Variants in DCT observed in about 807,000 individuals in gnomAD.
DCT encodes dopachrome tautomerase, also known as L-dopachrome tautomerase.
A neutral mutation model predicts 53.0 loss-of-function variants in DCT; 47 were observed. The ratio of observed to expected loss-of-function variants is 0.89; its 90% CI spans 0.70 to 1.13. DCT has a LOEUF of 1.13. Among genes scored for constraint, DCT ranks in the 50% most tolerant of loss-of-function variants. The pLI is 0.00. For synonymous variants in DCT, 244 were observed against 237.0 expected, an observed-to-expected ratio of 1.03 and a Z score of -0.27; for missense variants, 669 against 637.4, an observed-to-expected ratio of 1.05 and a Z score of -0.53.
At chr13:94,475,348 T>A (rs1885000253) in intron 1 of DCT, among the ~76,000 whole-genome samples, 1 of 152,166 alleles carries the variant, frequency 6.6e-6, no homozygotes. Flanking sequence ...TTATTCAGCC[T>A]TTAAAAAGAA....
At chr13:94,491,452 C>G in the DCT span, among the ~76,000 whole-genome samples, 2 of 152,134 alleles carry the variant, frequency 1.3e-5, no homozygotes, top group Admixed American at 6.6e-5. Flanking sequence ...TAATTATTAC[C>G]TGCAATGACC....
chr13:94,544,363 G>A, the DCT span, among the ~76,000 whole-genome samples: 1 of 152,146 alleles, frequency 6.6e-6, no homozygotes, highest in Non-Finnish European at 1.5e-5. Context: ...AGTGAAATAC[G>A]TGGGGAAAGC....
chr13:94,465,765 T>C lies in DCT; in HGVS notation c.731A>G (p.Tyr244Cys), dbSNP rs199868596. 3.7e-6 allele frequency: 6 copies of C among 1,612,084 alleles called. No individual in the cohort carries two copies. Among genetic ancestry groups the C allele is most frequent in the South Asian group, 2.2e-5 (2 of 90,906 alleles). The change falls in exon 4 of 8, where the codon TAC becomes TGC. Residue 244 changes from tyrosine to cysteine, a missense_variant. Transcript: ENST00000377028. ...LIGNESFALP[Y>C]WNFATGRNEC... is the part of the protein sequence containing the mutation. Reference sequence around the variant, plus strand: ...GTTCCTCCCAGTGGCAAAGTTCCAGTAGGGCAAAGCAAAAGACTCATTGCC... The same window carrying C: ...GTTCCTCCCAGTGGCAAAGTTCCAGCAGGGCAAAGCAAAAGACTCATTGCC...
In DCT at chr13:94,437,845, A is replaced by T. The variant is rs1881997895; in HGVS notation, c.*2053T>A. On this transcript the variant is annotated 3_prime_UTR_variant, in exon 8 of 8. Coordinates refer to ENST00000377028, the MANE Select transcript of DCT (RefSeq NM_001922.5). Reference sequence around the variant, plus strand: ...GAAATTCTCTCAGGAAGACATTATAAAACATAATAGTTATAAAAAGTCACC... The same window carrying T: ...GAAATTCTCTCAGGAAGACATTATATAACATAATAGTTATAAAAAGTCACC... The T allele has an allele frequency of 6.6e-6, 1 of 152,216 alleles. No individual in the cohort carries two copies. The highest frequency in any genetic ancestry group is 1.5e-5 in the Non-Finnish European group (1 of 68,022). The allele number at this position is 152,216 out of a possible 1,614,324, so 9.4% of individuals were successfully genotyped here.
At chr13:94,511,079 A>G in the DCT span, among the ~76,000 whole-genome samples, 1 of 152,220 alleles carries the variant, frequency 6.6e-6, no homozygotes. Context: ...TTCAAAATGC[A>G]AATCTCCTCT....
intron 3 of DCT, among the ~76,000 whole-genome samples, 184 bp from the exon 4 acceptor site, chr13:94,465,983 T>C (rs1884180632): frequency 2.8e-4 from 4 of 14,340 alleles, no homozygotes; most frequent in South Asian, 2.3e-3. Flanking sequence ...TATATATATA[T>C]ATATATATAT....
intron 4 of DCT, among the ~76,000 whole-genome samples, chr13:94,463,168 A>C (rs1457043669): frequency 6.6e-6 from 1 of 151,760 alleles, no homozygotes; most frequent in Non-Finnish European, 1.5e-5. Flanking sequence ...ATAGGGTCTC[A>C]CTCTGTTGTA....
rs1457932230 is a variant in DCT at position 94,472,517 on chromosome 13, CATACATATATATATATATATATATAT to C, written c.296-3498_296-3473del. ...ATACAGTGAGTTAAATATATACATA[CATACATATATATATATATATATATAT>C]ATATATATATATATATATATATATA... On this transcript the variant is annotated intron_variant, in intron 1 of 7. Transcript: ENST00000377028. 6.5e-4 allele frequency among the ~76,000 whole-genome samples: 31 copies of C among 47,800 alleles called. 1 individual carries two copies. The highest frequency in any genetic ancestry group is 1.3e-3 in the African/African-American group (16 of 11,912). 31.4% of individuals were successfully genotyped at this position (47,800 alleles called of 152,430 possible). A position where few individuals can be genotyped will look rare whatever the true frequency, so the allele number is the denominator to read the frequency against.
At chr13:94,528,704 G>A in the DCT span, among the ~76,000 whole-genome samples, 1 of 152,142 alleles carries the variant, frequency 6.6e-6, no homozygotes, top group Admixed American at 6.5e-5. Context: ...ATGGTAAAGA[G>A]CATCGACACT....
the DCT span, among the ~76,000 whole-genome samples, chr13:94,514,699 G>A: frequency 6.7e-4 from 102 of 152,306 alleles, 2 homozygotes; most frequent in East Asian, 0.017. Flanking sequence ...CCTCAATATG[G>A]CTGCAGGGCA....
At chr13:94,501,445 T>TGTC in the DCT span, among the ~76,000 whole-genome samples, 1 of 152,086 alleles carries the variant, frequency 6.6e-6, no homozygotes, top group African/African-American at 2.4e-5. Context: ...AAAAGTAAGT[T>TGTC]GTCCTTTCTA....
chr13:94,466,828 T>C, intron 2 of DCT, 170 bp from the exon 3 acceptor site: 1 of 401,252 alleles, frequency 2.5e-6, no homozygotes, highest in East Asian at 3.9e-5. Context: ...ATGACATGAA[T>C]TTCAGAAGTA....
At chr13:94,442,056 G>A (rs1882364891) in intron 7 of DCT, among the ~76,000 whole-genome samples, 1 of 151,970 alleles carries the variant, frequency 6.6e-6, no homozygotes, top group African/African-American at 2.4e-5. Flanking sequence ...GGTATGAGGT[G>A]GTATCTTATT....
chr13:94,540,245 C>A, the DCT span, among the ~76,000 whole-genome samples: 1 of 152,110 alleles, frequency 6.6e-6, no homozygotes, highest in Non-Finnish European at 1.5e-5. Context: ...AAGGACAAAT[C>A]GTGGAATAGA....
the DCT span, among the ~76,000 whole-genome samples, chr13:94,507,168 TAA>T: frequency 6.6e-6 from 1 of 152,144 alleles, no homozygotes; most frequent in Non-Finnish European, 1.5e-5. Flanking sequence ...AAAACTCAAA[TAA>T]GATCTCCGAA....
At chr13:94,525,351 C>T in the DCT span, among the ~76,000 whole-genome samples, 1 of 152,168 alleles carries the variant, frequency 6.6e-6, no homozygotes, top group African/African-American at 2.4e-5. Flanking sequence ...ATCCACCTGC[C>T]TCAGCCTCCC....
chr13:94,456,737 C>T (rs1393401365), intron 6 of DCT, among the ~76,000 whole-genome samples: 1 of 152,212 alleles, frequency 6.6e-6, no homozygotes, highest in African/African-American at 2.4e-5. Context: ...GAAGCAGAAG[C>T]TCCATGTGGT....
chr13:94,473,865 G>C (rs1042800379), intron 1 of DCT, among the ~76,000 whole-genome samples: 1 of 152,196 alleles, frequency 6.6e-6, no homozygotes, highest in Non-Finnish European at 1.5e-5. Context: ...AGATGTCTCA[G>C]AGAAATTATT....
chr13:94,470,745 G>A (rs1245253850), intron 1 of DCT, among the ~76,000 whole-genome samples: 2 of 151,990 alleles, frequency 1.3e-5, no homozygotes, highest in South Asian at 2.1e-4. Context: ...TAAGCTTCAC[G>A]TTTGTGCTCT....
Sources: gnomAD v4.1 joint callset for allele counts (sites outside exome capture counted in the v4.1 genomes callset) on GRCh38, gnomAD v4.1.1 for gene constraint, MANE v1.5 for transcripts, NCBI Gene and HGNC (gene_info 2026-07-23, HGNC 2026-07-21) for gene names.